Variants in DOK6 observed in about 807,000 individuals in gnomAD.
DOK6 encodes downstream of tyrosine kinase 6.
A neutral mutation model predicts 44.0 loss-of-function variants in DOK6; 22 were observed. The ratio of observed to expected loss-of-function variants is 0.50; its 90% confidence interval spans 0.36 to 0.71. The LOEUF (loss-of-function observed/expected upper bound fraction) is 0.71, where lower values mean the gene tolerates loss of function less well. Among genes scored for constraint, DOK6 ranks in the 30% least tolerant of loss-of-function variants. DOK6 has a pLI of 0.00. For missense variants in DOK6, 340 were observed against 416.4 expected (o/e 0.82, Z 1.60); for synonymous variants, 166 against 145.5 (o/e 1.14, Z -1.01).
At chr18:69,637,020 C>T (rs889339885) in intron 3 of DOK6, among the ~76,000 whole-genome samples, 13 of 152,112 alleles carry the variant, frequency 8.5e-5, no homozygotes, top group African/African-American at 3.1e-4. Context: ...TTCTGAATGG[C>T]AGCACCATCT....
At chr18:69,818,614 C>A (rs1449731198) in intron 7 of DOK6, among the ~76,000 whole-genome samples, 1 of 152,160 alleles carries the variant, frequency 6.6e-6, no homozygotes, top group East Asian at 1.9e-4. Context: ...TTCCTCATAA[C>A]GGACCTTAAT....
chr18:69,467,007 A>C (rs1979947402), intron 1 of DOK6, among the ~76,000 whole-genome samples: 1 of 152,108 alleles, frequency 6.6e-6, no homozygotes, highest in Admixed American at 6.5e-5. Flanking sequence ...GGGATTCAGC[A>C]CCTAGGAAGT....
intron 1 of DOK6, among the ~76,000 whole-genome samples, chr18:69,478,397 C>T (rs1425259532): frequency 2.0e-5 from 3 of 152,204 alleles, no homozygotes; most frequent in Non-Finnish European, 2.9e-5. Flanking sequence ...TCTTCCTCCC[C>T]TCCCCTTCCT....
chr18:69,692,943 G>C (rs1986300553), intron 4 of DOK6, among the ~76,000 whole-genome samples: 1 of 152,064 alleles, frequency 6.6e-6, no homozygotes, highest in African/African-American at 2.4e-5. Context: ...AGCCTCATGA[G>C]GGATAAAGGT....
intron 3 of DOK6, among the ~76,000 whole-genome samples, chr18:69,628,859 G>T (rs1309221525): frequency 6.6e-6 from 1 of 152,148 alleles, no homozygotes; most frequent in African/African-American, 2.4e-5. Context: ...TTGATGGATT[G>T]GAGTAGGATG....
intron 7 of DOK6, among the ~76,000 whole-genome samples, chr18:69,787,188 G>A (rs1444860572): frequency 6.6e-6 from 1 of 152,082 alleles, no homozygotes; most frequent in African/African-American, 2.4e-5. Flanking sequence ...TGCATTCCAG[G>A]CTGGGCAACA....
intron 1 of DOK6, among the ~76,000 whole-genome samples, chr18:69,443,058 C>T (rs1454157895): frequency 6.6e-6 from 1 of 152,000 alleles, no homozygotes; most frequent in East Asian, 1.9e-4. Flanking sequence ...ATTTGGTATA[C>T]CAAAGATACG....
At chr18:69,434,217 C>T (rs1016352619) in intron 1 of DOK6, among the ~76,000 whole-genome samples, 1 of 152,188 alleles carries the variant, frequency 6.6e-6, no homozygotes, top group African/African-American at 2.4e-5. Flanking sequence ...ATTTCTCTAC[C>T]ATTCCACAAA....
At chr18:69,572,387 G>T (rs1194917644) in intron 2 of DOK6, among the ~76,000 whole-genome samples, 3 of 151,880 alleles carry the variant, frequency 2.0e-5, no homozygotes, top group Non-Finnish European at 4.4e-5. Flanking sequence ...TCTGGCTTTG[G>T]GTAAAAATCA....
intron 5 of DOK6, among the ~76,000 whole-genome samples, chr18:69,720,943 A>G (rs971399360): frequency 1.3e-5 from 2 of 152,172 alleles, no homozygotes; most frequent in Non-Finnish European, 2.9e-5. Context: ...CTTTCCTACT[A>G]AAATGCCTTA....
chr18:69,462,055 T>G (rs1471348230), intron 1 of DOK6, among the ~76,000 whole-genome samples: 2 of 152,226 alleles, frequency 1.3e-5, no homozygotes, highest in Non-Finnish European at 2.9e-5. Flanking sequence ...TCCTCTTGTC[T>G]GGTTAGTTGC....
intron 3 of DOK6, among the ~76,000 whole-genome samples, chr18:69,624,399 A>G (rs1471544846): frequency 1.3e-5 from 2 of 152,154 alleles, no homozygotes; most frequent in African/African-American, 2.4e-5. Context: ...CAGTATGTTT[A>G]TGTTTCAAAT....
At chr18:69,638,872 A>C (rs1429745022) in intron 3 of DOK6, among the ~76,000 whole-genome samples, 1 of 152,192 alleles carries the variant, frequency 6.6e-6, no homozygotes, top group Non-Finnish European at 1.5e-5. Context: ...AATTATGGCT[A>C]GTTAGAAGTG....
At chr18:69,751,914 A>G (rs945014837) in intron 6 of DOK6, among the ~76,000 whole-genome samples, 1 of 152,178 alleles carries the variant, frequency 6.6e-6, no homozygotes, top group Non-Finnish European at 1.5e-5. Flanking sequence ...TATGTAAAAA[A>G]GGAAATAAAG....
chr18:69,433,594 G>T (rs577287693), intron 1 of DOK6, among the ~76,000 whole-genome samples: 3 of 152,056 alleles, frequency 2.0e-5, no homozygotes, highest in Admixed American at 6.5e-5. Flanking sequence ...TTGCAGGGAA[G>T]AATTCAGGAC....
At chr18:69,749,945 A>G (rs1979119418) in intron 6 of DOK6, among the ~76,000 whole-genome samples, 1 of 151,046 alleles carries the variant, frequency 6.6e-6, no homozygotes, top group Admixed American at 6.6e-5. Flanking sequence ...TCCATCAAAA[A>G]AAAAAAAAAA....
chr18:69,591,194 T>G lies in DOK6; in HGVS notation c.175-8190T>G, dbSNP rs541947499. Among the ~76,000 whole-genome samples, 4 of 152,304 alleles carry G rather than the reference T, an allele frequency of 2.6e-5. No individual in the cohort carries two copies. The East Asian group carries it at 7.7e-4, about 29-fold the overall frequency. ...ATGAAGTAGTAAGAAATACTAATTT[T>G]ACATCTAGACTTCCAAGTGTGTCTT... On this transcript the variant is annotated intron_variant, in intron 2 of 7. Coordinates refer to ENST00000382713, the MANE Select transcript of DOK6 (RefSeq NM_152721.6).
In DOK6 at chr18:69,482,360, C is replaced by T. The variant is rs189209959; in HGVS notation, c.66+81050C>T. ...TGGGGATTTTAAACTGGGCTTGGCA[C>T]GAGTCTTCCAAATGGAAAATTATCA... On this transcript the variant is annotated intron_variant, in intron 1 of 7. Transcript: ENST00000382713. Among the ~76,000 whole-genome samples the T allele has an allele frequency of 1.0e-3, 158 of 150,510 alleles. 1 individual carries two copies. The highest frequency in any genetic ancestry group is 3.6e-3 in the African/African-American group (145 of 40,752).
At chr18:69,556,993 T>G (rs1302862458) in intron 1 of DOK6, among the ~76,000 whole-genome samples, 1 of 152,216 alleles carries the variant, frequency 6.6e-6, no homozygotes, top group Non-Finnish European at 1.5e-5. Flanking sequence ...CTCTTCTGGA[T>G]GGGCTTTGCT....
Sources: allele counts gnomAD v4.1 joint callset (sites outside exome capture counted in the v4.1 genomes callset), GRCh38; gene constraint gnomAD v4.1.1; transcripts MANE v1.5; gene names NCBI Gene and HGNC (gene_info 2026-07-23, HGNC 2026-07-21).